The following RANBP9 variants were observed in gnomAD, a reference collection of about 807,000 sequenced individuals.
RANBP9 encodes the protein ran-binding protein 9.
A neutral mutation model predicts 84.3 loss-of-function variants in RANBP9; 15 were observed. The ratio of observed to expected loss-of-function variants is 0.18; its 90% confidence interval spans 0.12 to 0.27. RANBP9 has a LOEUF of 0.27. Among genes scored for constraint, RANBP9 ranks in the 10% least tolerant of loss-of-function variants. The probability of loss-of-function intolerance (pLI) is 1.00; values close to 1 mark genes in which losing one functional copy is unlikely to be tolerated. For synonymous variants in RANBP9, 392 were observed against 349.6 expected (o/e 1.12, Z -1.35); for missense variants, 809 against 912.8 (o/e 0.89, Z 1.46).
In RANBP9 at chr6:13,696,812, A is replaced by G; in HGVS notation, c.656T>C (p.Val219Ala). ...ATCTCTTCCCTTACTGACAATTTTT[A>G]CTTCAAAATAATAAATCCCACAGGC... ...PAACGIYYFE[V>A]KIVSKGRDGY... Residue 219 changes from valine to alanine, a missense_variant, in exon 2 of 14, where the codon GTA becomes GCA. Around this residue, in one of 5 missense-constraint regions of RANBP9, gnomAD observed 56 missense variants for 88.2 expected, o/e 0.63. Coordinates refer to ENST00000011619, the MANE Select transcript of RANBP9 (RefSeq NM_005493.3). 1 of 1,609,980 alleles carries G rather than the reference A, an allele frequency of 6.2e-7. No homozygotes were observed. The highest frequency in any genetic ancestry group is 8.5e-7 in the Non-Finnish European group (1 of 1,177,624).
intron 2 of RANBP9, among the ~76,000 whole-genome samples, chr6:13,662,264 A>C (rs1338841868): frequency 6.6e-6 from 1 of 152,248 alleles, no homozygotes; most frequent in African/African-American, 2.4e-5. Context: ...GGAACAAAAA[A>C]TATCCATGCT....
In RANBP9 at chr6:13,663,406, C is replaced by A. The variant is rs139851309; in HGVS notation, c.684-4574G>T. ...AAAAACATAATGTGTTGCTAGCAAA[C>A]CTACACTTAAAAAAATGCTCTTAAT... On this transcript the variant is annotated intron_variant, in intron 2 of 13. Coordinates refer to ENST00000011619, the MANE Select transcript of RANBP9 (RefSeq NM_005493.3). 2.5e-3 allele frequency among the ~76,000 whole-genome samples: 382 copies of A among 152,122 alleles called. 6 individuals carry two copies. The highest frequency in any genetic ancestry group is 0.022 in the Admixed American group (342 of 15,288).
intron 2 of RANBP9, among the ~76,000 whole-genome samples, chr6:13,666,856 G>A (rs1172339600): frequency 6.6e-6 from 1 of 152,004 alleles, no homozygotes; most frequent in Non-Finnish European, 1.5e-5. Flanking sequence ...CTGGGAAATG[G>A]GTGTCATAAG....
At chr6:13,709,910 C>A (rs569444023) in intron 1 of RANBP9, among the ~76,000 whole-genome samples, 117 of 152,308 alleles carry the variant, frequency 7.7e-4, no homozygotes, top group Non-Finnish European at 1.3e-3. Context: ...AGTGAGGCTG[C>A]CGTGAATGTA....
intron 1 of RANBP9, among the ~76,000 whole-genome samples, chr6:13,701,878 C>T (rs918208025): frequency 6.6e-6 from 1 of 152,152 alleles, no homozygotes; most frequent in Admixed American, 6.5e-5. Flanking sequence ...CAGTCTTCAC[C>T]TCTTCCACTA....
chr6:13,682,092 C>T (rs542284414), intron 2 of RANBP9, among the ~76,000 whole-genome samples: 1 of 152,206 alleles, frequency 6.6e-6, no homozygotes, highest in Non-Finnish European at 1.5e-5. Context: ...GAACTCCTGA[C>T]CTCAGGTGTT....
chr6:13,658,847 T>A lies in RANBP9; in HGVS notation c.684-15A>T, dbSNP rs204232. The A allele has an allele frequency of 1.3e-6, 2 of 1,555,022 alleles. No individual in the cohort carries two copies. Among genetic ancestry groups the A allele is most frequent in the Admixed American group, 1.7e-5 (1 of 59,888 alleles). Reference sequence around the variant, plus strand: ...TTCCCATGTAACTGTTGGCGGAGGTTGGGGGAGAGAAGAAAAGGACATTAT... The same window carrying A: ...TTCCCATGTAACTGTTGGCGGAGGTAGGGGGAGAGAAGAAAAGGACATTAT... On this transcript the variant is annotated splice_polypyrimidine_tract_variant and intron_variant, in intron 2 of 13. Coordinates refer to ENST00000011619, the MANE Select transcript of RANBP9 (RefSeq NM_005493.3).
chr6:13,657,200 A>G lies in RANBP9; in HGVS notation c.813T>C (p.Tyr271=). 6.2e-7 allele frequency: 1 copy of G among 1,613,590 alleles called. No individual in the cohort carries two copies. Among genetic ancestry groups the G allele is most frequent in the Non-Finnish European group, 8.5e-7 (1 of 1,179,594 alleles). Residue 271 remains tyrosine, a synonymous_variant, in exon 4 of 14, where the codon TAT becomes TAC. Transcript: ENST00000011619. ...CATCACCAGTAGTGAAAGTTGGTCC[A>G]TAAGGTTGTCCAGTTCCAGAAGAAC... ...SFCSSGTGQP[Y]GPTFTTGDVI...
chr6:13,638,834 A>T (rs1764999434), intron 9 of RANBP9, among the ~76,000 whole-genome samples: 1 of 146,738 alleles, frequency 6.8e-6, no homozygotes, highest in South Asian at 2.3e-4. Flanking sequence ...CTTTTGCAAG[A>T]GGCTTGGTTG....
Position 13,705,868 on chromosome 6 carries a change from CA to C in RANBP9, c.571+5066del, listed in dbSNP as rs767070995. On this transcript the variant is annotated intron_variant, in intron 1 of 13. Coordinates refer to ENST00000011619, the MANE Select transcript of RANBP9 (RefSeq NM_005493.3). ...TGGGCGACAGAGCAAGACTCCGTCTCAAAAAAAAAAAAAAAAAAGAAACATT... is the reference window on the plus strand; with the variant it reads ...TGGGCGACAGAGCAAGACTCCGTCTCAAAAAAAAAAAAAAAAAGAAACATT... 1.2e-3 allele frequency among the ~76,000 whole-genome samples: 92 copies of C among 76,746 alleles called. 1 individual carries two copies. The highest frequency in any genetic ancestry group is 6.9e-3 in the Middle Eastern group (1 of 144). 50.3% of individuals were successfully genotyped at this position (76,746 alleles called of 152,430 possible). A position where few individuals can be genotyped will look rare whatever the true frequency, so the allele number is the denominator to read the frequency against.
At chr6:13,692,483 C>T (rs1285448251) in intron 2 of RANBP9, among the ~76,000 whole-genome samples, 1 of 131,172 alleles carries the variant, frequency 7.6e-6, no homozygotes, top group Non-Finnish European at 1.5e-5. Flanking sequence ...GCTGAAATCA[C>T]ACCATCGCAC....
At chr6:13,682,575 C>CCAG (rs1455682566) in intron 2 of RANBP9, among the ~76,000 whole-genome samples, 1 of 152,104 alleles carries the variant, frequency 6.6e-6, no homozygotes, top group African/African-American at 2.4e-5. Context: ...GCCTCAGCCT[C>CCAG]CCGAGTCACT....
intron 2 of RANBP9, among the ~76,000 whole-genome samples, chr6:13,695,581 AAGTTCAT>A (rs1232067983): frequency 2.6e-5 from 4 of 152,104 alleles, no homozygotes; most frequent in Admixed American, 6.6e-5. Flanking sequence ...ATATGAGGTC[AAGTTCAT>A]ATAATTTGAA....
chr6:13,641,507 G>T (rs10948811), intron 7 of RANBP9, among the ~76,000 whole-genome samples, 200 bp from the exon 8 acceptor site: 61,332 of 146,766 alleles, frequency 0.42, 12,887 homozygotes, highest in Admixed American at 0.52. Context: ...AAACAAGTAC[G>T]GTCACAAATT....
At chr6:13,694,633 A>T (rs1766399557) in intron 2 of RANBP9, among the ~76,000 whole-genome samples, 1 of 152,138 alleles carries the variant, frequency 6.6e-6, no homozygotes. Context: ...TGAGGTCCAA[A>T]AATATTAATT....
chr6:13,681,153 G>A (rs1766026506), intron 2 of RANBP9, among the ~76,000 whole-genome samples: 1 of 152,146 alleles, frequency 6.6e-6, no homozygotes, highest in Non-Finnish European at 1.5e-5. Flanking sequence ...ATCATGCTAA[G>A]TGATTACAAA....
In RANBP9 at chr6:13,711,526, C is replaced by T; in HGVS notation, c.-21G>A. 3 of 1,244,366 alleles carry T rather than the reference C, an allele frequency of 2.4e-6. No homozygotes were observed. Among genetic ancestry groups the T allele is most frequent in the Admixed American group, 3.3e-5 (1 of 30,746 alleles). The allele number at this position is 1,244,366 out of a possible 1,614,324, so 77.1% of individuals were successfully genotyped here. Reference sequence around the variant, plus strand: ...GACATCCCGGCCGCGACTCAGCCTGCGGCCACCTCCACCTCTTCTCTCCTT... The same window carrying T: ...GACATCCCGGCCGCGACTCAGCCTGTGGCCACCTCCACCTCTTCTCTCCTT... On this transcript the variant is annotated 5_prime_UTR_variant, in exon 1 of 14. Transcript: ENST00000011619.
intron 2 of RANBP9, among the ~76,000 whole-genome samples, chr6:13,674,826 C>T (rs1311154544): frequency 6.6e-6 from 1 of 152,170 alleles, no homozygotes; most frequent in Non-Finnish European, 1.5e-5. Flanking sequence ...CCCCATGTTA[C>T]CCTTACTTTA....
At chr6:13,635,093 T>C (rs183289247) in intron 10 of RANBP9, among the ~76,000 whole-genome samples, 174 of 152,354 alleles carry the variant, frequency 1.1e-3, no homozygotes, top group Middle Eastern at 3.4e-3. Flanking sequence ...AAATATACAT[T>C]CTTTCAAGGG....
Sources: allele counts gnomAD v4.1 joint callset (sites outside exome capture counted in the v4.1 genomes callset), GRCh38; gene constraint gnomAD v4.1.1; regional missense constraint gnomAD v4.1.1; transcripts MANE v1.5; gene names NCBI Gene and HGNC (gene_info 2026-07-23, HGNC 2026-07-21).